Variants in SCAI observed in about 807,000 individuals in gnomAD.
SCAI encodes suppressor of cancer cell invasion.
In SCAI, 24 loss-of-function variants were observed where a neutral mutation model predicts 92.2. The ratio of observed to expected loss-of-function variants is 0.26; its 90% confidence interval spans 0.19 to 0.37. The LOEUF (loss-of-function observed/expected upper bound fraction) is 0.37. Ranked by LOEUF, SCAI falls within the 10% of genes least tolerant of loss-of-function variation. The pLI, the probability that SCAI is intolerant of heterozygous loss-of-function variation, is 1.00. For synonymous variants in SCAI, 261 were observed against 258.6 expected (o/e 1.01, Z -0.09); for missense variants, 450 against 736.2 (o/e 0.61, Z 4.50).
chr9:125,072,769 A>C (rs1834003128), intron 2 of SCAI, among the ~76,000 whole-genome samples: 1 of 152,200 alleles, frequency 6.6e-6, no homozygotes, highest in Non-Finnish European at 1.5e-5. Flanking sequence ...AATATCATGT[A>C]AGTGGAATCA....
At chr9:125,006,558 C>T (rs1832512738) in intron 9 of SCAI, among the ~76,000 whole-genome samples, 1 of 152,208 alleles carries the variant, frequency 6.6e-6, no homozygotes, top group Admixed American at 6.5e-5. Context: ...GTGGCGCGAT[C>T]TCGGCTCACT....
intron 17 of SCAI, among the ~76,000 whole-genome samples, chr9:124,956,202 T>C (rs1328946845): frequency 2.0e-5 from 3 of 152,156 alleles, no homozygotes; most frequent in South Asian, 2.1e-4. Flanking sequence ...TTAATAGCTA[T>C]GCAAGGTTGA....
At chr9:124,988,487 T>C (rs1306935324) in intron 14 of SCAI, among the ~76,000 whole-genome samples, 1 of 152,016 alleles carries the variant, frequency 6.6e-6, no homozygotes, top group Admixed American at 6.6e-5. Flanking sequence ...AACCATGATT[T>C]AAAAAAACCC....
chr9:125,009,956 A>G (rs1017074012), intron 9 of SCAI, among the ~76,000 whole-genome samples: 1 of 152,142 alleles, frequency 6.6e-6, no homozygotes, highest in Non-Finnish European at 1.5e-5. Context: ...GCACTTTGGG[A>G]GGCCAAGGTG....
At chr9:125,053,077 G>C (rs185051136) in intron 3 of SCAI, among the ~76,000 whole-genome samples, 6 of 152,248 alleles carry the variant, frequency 3.9e-5, no homozygotes, top group Non-Finnish European at 7.4e-5. Flanking sequence ...CAAGAGAATC[G>C]TAATCCCAGC....
At position 124,950,841 on chromosome 9, in the gene SCAI, G is replaced by A. The variant is rs1831224761; in HGVS notation, c.*1966C>T. The stretch of plus-strand genomic sequence containing the variant: ...AGGCAGGAGGATCACTTGAGCCCAG[G>A]AGTTTGAGGCCAGCCTGCTCAACAA... On this transcript the variant is annotated 3_prime_UTR_variant, in exon 18 of 18. Transcript: ENST00000336505. The A allele has an allele frequency of 6.6e-6, 1 of 151,988 alleles. No individual in the cohort carries two copies. Among genetic ancestry groups the A allele is most frequent in the South Asian group, 2.1e-4 (1 of 4,812 alleles). 9.4% of individuals were successfully genotyped at this position (151,988 alleles called of 1,614,324 possible). A position where few individuals can be genotyped will look rare whatever the true frequency, so the allele number is the denominator to read the frequency against.
chr9:125,029,884 A>G (rs780266697), intron 3 of SCAI, 145 bp from the exon 4 acceptor site: 16 of 493,724 alleles, frequency 3.2e-5, no homozygotes, highest in Non-Finnish European at 5.0e-5. Context: ...TGGAGCAGAA[A>G]TAATTCTATA....
chr9:125,064,636 AG>A (rs1833840903), intron 2 of SCAI, among the ~76,000 whole-genome samples: 1 of 152,180 alleles, frequency 6.6e-6, no homozygotes, highest in Non-Finnish European at 1.5e-5. Context: ...ACCTGGGGTC[AG>A]GAGTTCAAGA....
chr9:125,011,164 C>T (rs1445300769), intron 9 of SCAI, among the ~76,000 whole-genome samples: 16 of 152,364 alleles, frequency 1.1e-4, no homozygotes, highest in Admixed American at 3.9e-4. Context: ...TCACCAGCAA[C>T]GGAACAAAGC....
intron 2 of SCAI, among the ~76,000 whole-genome samples, chr9:125,061,438 A>G (rs958778109): frequency 6.6e-6 from 1 of 152,136 alleles, no homozygotes; most frequent in Non-Finnish European, 1.5e-5. Context: ...AGTTTTGGAC[A>G]AAGTAATATA....
chr9:125,107,122 T>A (rs946275900), intron 2 of SCAI, among the ~76,000 whole-genome samples: 3 of 151,962 alleles, frequency 2.0e-5, no homozygotes, highest in Non-Finnish European at 2.9e-5. Flanking sequence ...GAAAAATAAA[T>A]ACAACAGGCT....
At chr9:125,020,551 T>C (rs945168620) in intron 7 of SCAI, 122 bp downstream of exon 7, 3 of 529,294 alleles carry the variant, frequency 5.7e-6, no homozygotes, top group Non-Finnish European at 1.0e-5. Flanking sequence ...GAAGTTACTA[T>C]ACTTTGAATA....
intron 14 of SCAI, among the ~76,000 whole-genome samples, chr9:124,979,199 T>C (rs1219170166): frequency 6.6e-6 from 1 of 151,888 alleles, no homozygotes; most frequent in Non-Finnish European, 1.5e-5. Context: ...TATGGTGCAA[T>C]GTGGTACAAG....
rs566305563 is a variant in SCAI, at chr9:125,065,980, A to G, written c.99-9973T>C. The G allele has an allele frequency of 3.9e-5, 30 of 764,304 alleles. No homozygotes were observed. The South Asian group carries it at 4.4e-4, about 11-fold the overall frequency. The allele number at this position is 764,304 out of a possible 1,614,324, so 47.3% of individuals were successfully genotyped here. ...GGATATGTATTTTAAAACTATAGCA[A>G]AAATCATACTTTTCAGTGAAATGTT... On this transcript the variant is annotated intron_variant, in intron 2 of 17. Transcript: ENST00000336505.
intron 2 of SCAI, among the ~76,000 whole-genome samples, chr9:125,060,254 C>A: frequency 7.4e-6 from 1 of 135,914 alleles, no homozygotes. Context: ...ATTTAGAAGG[C>A]TTAGTATGAA....
chr9:124,951,497 C>T lies in SCAI; in HGVS notation c.*1310G>A, dbSNP rs905943077. The T allele has an allele frequency of 6.6e-6, 1 of 152,102 alleles. No individual in the cohort carries two copies. The highest frequency in any genetic ancestry group is 2.4e-5 in the African/African-American group (1 of 41,398). The allele number at this position is 152,102 out of a possible 1,614,324, so 9.4% of individuals were successfully genotyped here. On this transcript the variant is annotated 3_prime_UTR_variant, in exon 18 of 18. Transcript: ENST00000336505. ...TCCAACCTGGGCAACAAAAGCAAGACTCTGTTTCAAAAAAAATAAATAAAT... is the reference window on the plus strand; with the variant it reads ...TCCAACCTGGGCAACAAAAGCAAGATTCTGTTTCAAAAAAAATAAATAAAT...
chr9:125,004,342 T>C (rs1020902125), intron 9 of SCAI, among the ~76,000 whole-genome samples: 2 of 151,472 alleles, frequency 1.3e-5, no homozygotes, highest in African/African-American at 4.9e-5. Context: ...TTTTTTTTTT[T>C]TTTTGAGACA....
intron 9 of SCAI, among the ~76,000 whole-genome samples, chr9:125,009,716 C>G (rs961319718): frequency 6.6e-6 from 1 of 151,850 alleles, no homozygotes; most frequent in East Asian, 2.0e-4. Flanking sequence ...TGGCGAAACC[C>G]TGTCTCTACT....
chr9:125,023,608 G>T (rs1225573464), intron 6 of SCAI, among the ~76,000 whole-genome samples: 1 of 151,912 alleles, frequency 6.6e-6, no homozygotes, highest in East Asian at 1.9e-4. Flanking sequence ...AAGCTTTGCA[G>T]GCCACATTTG....
Sources: allele counts gnomAD v4.1 joint callset (sites outside exome capture counted in the v4.1 genomes callset), GRCh38; gene constraint gnomAD v4.1.1; transcripts MANE v1.5; gene names NCBI Gene and HGNC (gene_info 2026-07-23, HGNC 2026-07-21).